The following KLF12 variants were observed in gnomAD, a reference collection of about 807,000 sequenced individuals.
The protein encoded by KLF12 is KLF transcription factor 12, also known as Krueppel-like factor 12.
Under a neutral mutation model 37.8 loss-of-function variants are expected in KLF12, and 9 were observed. The observed-to-expected ratio is 0.24, with a 90% CI of 0.14 to 0.42. The LOEUF is 0.42. Ranked by LOEUF, KLF12 falls within the 10% of genes least tolerant of loss-of-function variation. KLF12 has a pLI of 1.00. For synonymous variants in KLF12, 208 were observed against 202.1 expected, an observed-to-expected ratio of 1.03 and a Z score of -0.25; for missense variants, 411 against 516.0, an observed-to-expected ratio of 0.80 and a Z score of 1.97.
chr13:74,000,030 C>T (rs1192851509), intron 1 of KLF12, among the ~76,000 whole-genome samples: 1 of 152,084 alleles, frequency 6.6e-6, no homozygotes, highest in Non-Finnish European at 1.5e-5. Flanking sequence ...CCTTTTGCCC[C>T]CTTGTTAAAC....
intron 1 of KLF12, among the ~76,000 whole-genome samples, chr13:74,081,500 T>C (rs1164970725): frequency 6.6e-6 from 1 of 152,216 alleles, no homozygotes; most frequent in Non-Finnish European, 1.5e-5. Context: ...CATTTTTTTC[T>C]ATGTCCTTTG....
chr13:73,953,719 T>C (rs1310433248), intron 2 of KLF12, among the ~76,000 whole-genome samples: 1 of 152,166 alleles, frequency 6.6e-6, no homozygotes, highest in Non-Finnish European at 1.5e-5. Context: ...AAACCCAAAA[T>C]GGATTAACTT....
At chr13:74,128,200 T>C (rs1273043893) in intron 1 of KLF12, among the ~76,000 whole-genome samples, 1 of 152,222 alleles carries the variant, frequency 6.6e-6, no homozygotes, top group Non-Finnish European at 1.5e-5. Flanking sequence ...TAAGAGTGAC[T>C]TTCTCAAGGT....
Position 73,926,937 on chromosome 13 carries a change from G to GAA in KLF12, c.123+17042_123+17043dup, listed in dbSNP as rs71115622. ...CAGCACTCAACTCCGTGTCTCCTTT[G>GAA]AAAAAAAAAAAAAAGTGCCAAGTTA... is the stretch of plus-strand genomic sequence containing the variant. On this transcript the variant is annotated intron_variant, in intron 3 of 7. Transcript: ENST00000377669. 4.7e-3 allele frequency among the ~76,000 whole-genome samples: 659 copies of GAA among 140,188 alleles called. 3 individuals carry two copies. The highest frequency in any genetic ancestry group is 0.013 in the African/African-American group (488 of 37,092). The allele number at this position is 140,188 out of a possible 152,430, so 92.0% of individuals were successfully genotyped here. A position where few individuals can be genotyped will look rare whatever the true frequency, so the allele number is the denominator to read the frequency against.
chr13:74,170,251 A>C, the KLF12 span, among the ~76,000 whole-genome samples: 1 of 152,248 alleles, frequency 6.6e-6, no homozygotes, highest in East Asian at 1.9e-4. Flanking sequence ...TTAAAATGTT[A>C]ACATTCTGCT....
the KLF12 span, among the ~76,000 whole-genome samples, chr13:74,262,171 CTT>C: frequency 0.039 from 5,929 of 152,096 alleles, 259 homozygotes; most frequent in African/African-American, 0.1. Flanking sequence ...TTAATATTGA[CTT>C]GAGGTATTTT....
At chr13:74,019,005 AC>A (rs1026100258) in intron 1 of KLF12, among the ~76,000 whole-genome samples, 18 of 152,290 alleles carry the variant, frequency 1.2e-4, no homozygotes, top group African/African-American at 4.3e-4. Flanking sequence ...AATTACAAAA[AC>A]TGTGTATGTA....
the KLF12 span, among the ~76,000 whole-genome samples, chr13:74,185,628 T>C: frequency 6.6e-6 from 1 of 152,090 alleles, no homozygotes; most frequent in Non-Finnish European, 1.5e-5. Context: ...TTGGCCAGAT[T>C]AATGACTTTG....
the KLF12 span, among the ~76,000 whole-genome samples, chr13:74,233,820 G>A: frequency 1.3e-5 from 2 of 152,040 alleles, no homozygotes; most frequent in Non-Finnish European, 2.9e-5. Flanking sequence ...TAAATAACAT[G>A]GTAATATTGC....
chr13:73,946,880 AG>A (rs2139384612), intron 2 of KLF12, among the ~76,000 whole-genome samples: 1 of 152,350 alleles, frequency 6.6e-6, no homozygotes, highest in African/African-American at 2.4e-5. Flanking sequence ...CTATCTAGGA[AG>A]GTGTGTGATT....
chr13:73,741,563 T>G (rs1466622162), intron 6 of KLF12, among the ~76,000 whole-genome samples: 2 of 152,182 alleles, frequency 1.3e-5, no homozygotes, highest in Non-Finnish European at 2.9e-5. Flanking sequence ...ATAACAGTGT[T>G]TTTGAAACCA....
intron 3 of KLF12, 88 bp downstream of exon 3, chr13:73,943,893 A>G (rs10219943): frequency 0.034 from 27,324 of 795,068 alleles, 556 homozygotes; most frequent in East Asian, 0.071. Flanking sequence ...GGGAAACCGT[A>G]GAAGTGCTCT....
the KLF12 span, among the ~76,000 whole-genome samples, chr13:74,236,858 T>C: frequency 1.1e-5 from 1 of 87,024 alleles, no homozygotes; most frequent in South Asian, 4.1e-4. Flanking sequence ...GTCAGATGAG[T>C]AGGTTGTGAA....
At chr13:74,113,362 AGAG>A (rs1423816456) in intron 1 of KLF12, among the ~76,000 whole-genome samples, 1 of 152,238 alleles carries the variant, frequency 6.6e-6, no homozygotes, top group Non-Finnish European at 1.5e-5. Flanking sequence ...ATATAGTTAG[AGAG>A]GAGAAGTCAA....
chr13:73,929,475 T>C (rs570924846), intron 3 of KLF12, among the ~76,000 whole-genome samples: 1 of 152,180 alleles, frequency 6.6e-6, no homozygotes, highest in Non-Finnish European at 1.5e-5. Context: ...ACACATCGTA[T>C]CGCATAGTCA....
At chr13:73,882,357 T>A (rs1447929016) in intron 3 of KLF12, among the ~76,000 whole-genome samples, 4 of 152,222 alleles carry the variant, frequency 2.6e-5, no homozygotes, top group African/African-American at 9.7e-5. Context: ...AGTCACAGCA[T>A]ATACTGAAAG....
chr13:74,104,478 A>C (rs1035044489), intron 1 of KLF12, among the ~76,000 whole-genome samples: 1 of 152,208 alleles, frequency 6.6e-6, no homozygotes, highest in African/African-American at 2.4e-5. Flanking sequence ...ACCTGGACCC[A>C]CTTTCTTGAT....
chr13:73,715,294 G>C, intron 7 of KLF12, 74 bp downstream of exon 7: 1 of 1,353,528 alleles, frequency 7.4e-7, no homozygotes, highest in South Asian at 1.3e-5. Flanking sequence ...GAGTACGAAA[G>C]GCTCCCGAGG....
intron 4 of KLF12, among the ~76,000 whole-genome samples, chr13:73,815,165 CTGTT>C (rs1401221381): frequency 3.3e-5 from 5 of 152,124 alleles, no homozygotes; most frequent in African/African-American, 1.2e-4. Flanking sequence ...GACAAAAAGA[CTGTT>C]TGTTTTCCAT....
Sources: allele counts gnomAD v4.1 joint callset (sites outside exome capture counted in the v4.1 genomes callset), GRCh38; gene constraint gnomAD v4.1.1; transcripts MANE v1.5; gene names NCBI Gene and HGNC (gene_info 2026-07-23, HGNC 2026-07-21).